The following HNMT variants were observed in gnomAD, a reference collection of about 807,000 sequenced individuals.
HNMT encodes histamine N-methyltransferase.
A neutral mutation model predicts 32.1 loss-of-function variants in HNMT; 30 were observed. That is an observed-to-expected ratio of 0.93 (90% CI 0.70 to 1.27). The LOEUF (loss-of-function observed/expected upper bound fraction) is 1.27, where lower values mean the gene tolerates loss of function less well. Ranked by LOEUF, HNMT falls within the 50% of genes most tolerant of loss-of-function variation. HNMT has a pLI of 0.00. For synonymous variants in HNMT, 125 were observed against 119.0 expected, an observed-to-expected ratio of 1.05 and a Z score of -0.33; for missense variants, 327 against 346.0, an observed-to-expected ratio of 0.95 and a Z score of 0.43.
chr2:137,967,316 T>A (rs1195271818), intron 1 of HNMT: 2 of 533,460 alleles, frequency 3.7e-6, no homozygotes, highest in South Asian at 2.7e-5. Context: ...AGTGGGAAGA[T>A]CACTTAAGTC....
intron 2 of HNMT, among the ~76,000 whole-genome samples, chr2:137,987,095 C>A (rs1680672030): frequency 6.6e-6 from 1 of 152,156 alleles, no homozygotes; most frequent in Non-Finnish European, 1.5e-5. Context: ...ACAGAAAATG[C>A]TGTAGCCTTT....
At chr2:137,964,734 C>A (rs1216684382) in intron 1 of HNMT, 106 bp downstream of exon 1, 2 of 1,096,244 alleles carry the variant, frequency 1.8e-6, no homozygotes, top group East Asian at 2.4e-5. Flanking sequence ...GGGATAAGGG[C>A]GAATTACTGA....
chr2:138,005,212 TA>T lies in HNMT; in HGVS notation c.511del (p.Ile171LeufsTer41). ...TAGGTACCAATGCTAAGATGCTCAT[TA>T]TTGTTGTGTCAGGTAAGTTATTTTC... is the stretch of plus-strand genomic sequence containing the variant. ...LLGTNAKMLI[I>X]VVSGSSGWDK... On this transcript the variant is annotated frameshift_variant, in exon 5 of 6. Transcript: ENST00000280097. LOFTEE classifies it high-confidence loss of function. 1 of 1,581,446 alleles carries T rather than the reference TA, an allele frequency of 6.3e-7. No homozygotes were observed. The highest frequency in any genetic ancestry group is 1.1e-5 in the South Asian group (1 of 90,076).
At chr2:137,995,934 T>C (rs1041669395) in intron 2 of HNMT, among the ~76,000 whole-genome samples, 3 of 152,174 alleles carry the variant, frequency 2.0e-5, no homozygotes, top group Non-Finnish European at 2.9e-5. Flanking sequence ...ATTATCTCAA[T>C]AGATGCAGAA....
At chr2:137,986,187 T>A (rs1200048638) in intron 2 of HNMT, among the ~76,000 whole-genome samples, 1 of 151,092 alleles carries the variant, frequency 6.6e-6, no homozygotes, top group Non-Finnish European at 1.5e-5. Context: ...AAGAAAAAAT[T>A]TAGACCTGTA....
intron 5 of HNMT, among the ~76,000 whole-genome samples, chr2:138,007,384 G>A (rs1681360994): frequency 1.3e-5 from 2 of 151,892 alleles, no homozygotes; most frequent in South Asian, 4.1e-4. Flanking sequence ...ATACTTTGCA[G>A]TGAAAAATAA....
chr2:137,988,297 C>A (rs1168135063), intron 2 of HNMT, among the ~76,000 whole-genome samples: 2 of 152,022 alleles, frequency 1.3e-5, no homozygotes, highest in African/African-American at 2.4e-5. Context: ...GGTAGGCTGA[C>A]CTTTTAGGAT....
At position 138,015,367 on chromosome 2, in the gene HNMT, C is replaced by A. The variant is rs555743031; in HGVS notation, c.*1237C>A. The A allele has an allele frequency of 5.9e-5, 9 of 152,168 alleles. No homozygotes were observed. Among genetic ancestry groups the A allele is most frequent in the African/African-American group, 2.2e-4 (9 of 41,520 alleles). The allele number at this position is 152,168 out of a possible 1,614,324, so 9.4% of individuals were successfully genotyped here. ...TTCTGCCAGTGAGGAAGCCTTCAAC[C>A]CCGTGTGATACTCACTCTTTCATGC... On this transcript the variant is annotated 3_prime_UTR_variant, in exon 6 of 6. Coordinates refer to ENST00000280097, the MANE Select transcript of HNMT (RefSeq NM_006895.3).
At chr2:137,977,961 C>A (rs1573648008) in intron 2 of HNMT, among the ~76,000 whole-genome samples, 1 of 152,016 alleles carries the variant, frequency 6.6e-6, no homozygotes. Context: ...ATTGGCCTGG[C>A]CTTGCCAGTC....
intron 2 of HNMT, among the ~76,000 whole-genome samples, chr2:137,990,815 GT>G (rs1007171252): frequency 4.7e-5 from 7 of 149,490 alleles, no homozygotes; most frequent in East Asian, 2.0e-4. Flanking sequence ...AAATGCATGA[GT>G]TTTTTTTTTC....
In HNMT at chr2:138,016,212, G is replaced by A. The variant is rs1312387715; in HGVS notation, c.*2082G>A. On this transcript the variant is annotated 3_prime_UTR_variant, in exon 6 of 6. Coordinates refer to ENST00000280097, the MANE Select transcript of HNMT (RefSeq NM_006895.3). ...TGGATCTCTCAGTGTTTAACATGGTGCCTTGCATATGGTAAATGCTAAGTA... is the reference window on the plus strand; with the variant it reads ...TGGATCTCTCAGTGTTTAACATGGTACCTTGCATATGGTAAATGCTAAGTA... 6.6e-6 allele frequency: 1 copy of A among 152,034 alleles called. No homozygotes were observed. The highest frequency in any genetic ancestry group is 2.4e-5 in the African/African-American group (1 of 41,392). The allele number at this position is 152,034 out of a possible 1,614,324, so 9.4% of individuals were successfully genotyped here.
In HNMT at chr2:138,016,077, A is replaced by G. The variant is rs1486062325; in HGVS notation, c.*1947A>G. 6.6e-6 allele frequency: 1 copy of G among 152,106 alleles called. No homozygotes were observed. The highest frequency in any genetic ancestry group is 1.5e-5 in the Non-Finnish European group (1 of 68,006). The allele number at this position is 152,106 out of a possible 1,614,324, so 9.4% of individuals were successfully genotyped here. On this transcript the variant is annotated 3_prime_UTR_variant, in exon 6 of 6. Transcript: ENST00000280097. ...TATCCCTGTTTTCTTCCTGCACTGTATGATAATACCAAAATTTGGGACAGT... is the reference window on the plus strand; with the variant it reads ...TATCCCTGTTTTCTTCCTGCACTGTGTGATAATACCAAAATTTGGGACAGT...
In HNMT at chr2:138,013,461, A is replaced by T. The variant is rs528615839; in HGVS notation, c.524-314A>T. On this transcript the variant is annotated intron_variant, in intron 5 of 5. Coordinates refer to ENST00000280097, the MANE Select transcript of HNMT (RefSeq NM_006895.3). ...CTCTCCTGGAGTCATCTTCCCCCTG[A>T]TATCTCCATGTCTTGCTGTCAGGTC... Among the ~76,000 whole-genome samples the T allele has an allele frequency of 2.6e-5, 4 of 152,096 alleles. No individual in the cohort carries two copies. In the South Asian group the frequency reaches 8.3e-4, roughly 32 times the overall value.
chr2:137,984,491 T>C lies in HNMT; in HGVS notation c.190+14274T>C, dbSNP rs555224097. Among the ~76,000 whole-genome samples the C allele has an allele frequency of 4.6e-5, 7 of 152,328 alleles. 1 individual carries two copies. In the South Asian group the frequency reaches 1.4e-3, roughly 32 times the overall value. On this transcript the variant is annotated intron_variant, in intron 2 of 5. Coordinates refer to ENST00000280097, the MANE Select transcript of HNMT (RefSeq NM_006895.3). ...TGAGTTTGAGCAATGTCAATGTGCC[T>C]ATTAACTTTTTAAGAAATTATCTCT...
At chr2:137,992,545 G>A (rs1680854327) in intron 2 of HNMT, among the ~76,000 whole-genome samples, 1 of 152,110 alleles carries the variant, frequency 6.6e-6, no homozygotes. Context: ...AGAGGCTCAG[G>A]GACAGAACCT....
chr2:137,971,978 G>A (rs1680149268), intron 2 of HNMT, among the ~76,000 whole-genome samples: 1 of 152,140 alleles, frequency 6.6e-6, no homozygotes, highest in African/African-American at 2.4e-5. Context: ...ATGCCAAGTG[G>A]TAATCCCTTG....
At chr2:137,997,989 C>T (rs74434076) in intron 2 of HNMT, among the ~76,000 whole-genome samples, 4,962 of 151,764 alleles carry the variant, frequency 0.033, 112 homozygotes, top group Non-Finnish European at 0.052. Context: ...GGACACAGAG[C>T]GGGGAGCAAC....
chr2:137,975,243 G>C lies in HNMT; in HGVS notation c.190+5026G>C, dbSNP rs189133701. On this transcript the variant is annotated intron_variant, in intron 2 of 5. Transcript: ENST00000280097. ...GCTTTTTCCAAAGAGGTGTTTGAAG[G>C]CTTCAATATTTAAAGGGGGAAGAGC... 4.6e-5 allele frequency among the ~76,000 whole-genome samples: 7 copies of C among 152,250 alleles called. No individual in the cohort carries two copies. In the East Asian group the frequency reaches 1.4e-3, roughly 29 times the overall value.
intron 2 of HNMT, among the ~76,000 whole-genome samples, chr2:137,980,843 T>A (rs1399454785): frequency 6.6e-6 from 1 of 152,096 alleles, no homozygotes; most frequent in East Asian, 1.9e-4. Flanking sequence ...CCCAGGGTGT[T>A]GGAGGGAGAT....
Sources: gnomAD v4.1 joint callset for allele counts (sites outside exome capture counted in the v4.1 genomes callset) on GRCh38, gnomAD v4.1.1 for gene constraint, MANE v1.5 for transcripts, NCBI Gene and HGNC (gene_info 2026-07-23, HGNC 2026-07-21) for gene names.